Variants in VTI1A observed in about 807,000 individuals in gnomAD.
VTI1A encodes vesicle transport through interaction with t-SNAREs homolog 1A.
VTI1A carries 22 observed loss-of-function variants against 34.9 expected under a neutral mutation model. That is an observed-to-expected ratio of 0.63 (90% CI 0.45 to 0.90). The LOEUF is 0.90. VTI1A is among the 40% of genes least tolerant of loss of function. VTI1A has a pLI of 0.00. For missense variants in VTI1A, 268 were observed against 275.6 expected (o/e 0.97, Z 0.20); for synonymous variants, 87 against 97.3 (o/e 0.89, Z 0.62).
chr10:112,589,729 G>T (rs1317443955), intron 5 of VTI1A, among the ~76,000 whole-genome samples: 1 of 152,086 alleles, frequency 6.6e-6, no homozygotes, highest in East Asian at 1.9e-4. Context: ...ATAGTGAAGA[G>T]ACCACAGAGA....
In VTI1A at chr10:112,761,383, G is replaced by A. The variant is rs147694934; in HGVS notation, c.561-53907G>A. Among the ~76,000 whole-genome samples, 8 of 152,234 alleles carry A rather than the reference G, an allele frequency of 5.3e-5. 1 individual carries two copies. In the South Asian group the frequency reaches 1.5e-3, roughly 28 times the overall value. ...TAGGATTACCCCTCAAGACTATATC[G>A]TCAGGCTTTTGTACAAACAAGGAGC... On this transcript the variant is annotated intron_variant, in intron 7 of 7. Coordinates refer to ENST00000393077, the MANE Select transcript of VTI1A (RefSeq NM_145206.4).
chr10:112,802,040 G>A (rs1282307570), intron 7 of VTI1A, among the ~76,000 whole-genome samples: 1 of 152,122 alleles, frequency 6.6e-6, no homozygotes. Context: ...TGGAGCCCGG[G>A]AATTTGAGAC....
chr10:112,807,977 G>A (rs1458527890), intron 7 of VTI1A, among the ~76,000 whole-genome samples: 1 of 152,230 alleles, frequency 6.6e-6, no homozygotes, highest in Non-Finnish European at 1.5e-5. Flanking sequence ...CAGCACTTTG[G>A]GAGGCCGAGG....
intron 7 of VTI1A, among the ~76,000 whole-genome samples, chr10:112,774,115 G>A (rs774573608): frequency 3.3e-5 from 5 of 152,200 alleles, no homozygotes; most frequent in South Asian, 2.1e-4. Flanking sequence ...CACTGAGGCC[G>A]TGGAAACTGG....
chr10:112,670,477 A>G (rs1268990442), intron 7 of VTI1A, among the ~76,000 whole-genome samples: 1 of 152,178 alleles, frequency 6.6e-6, no homozygotes, highest in Non-Finnish European at 1.5e-5. Context: ...GGCAGATTCA[A>G]ATAAGGATTT....
chr10:112,522,415 C>T (rs1187766641), intron 3 of VTI1A, among the ~76,000 whole-genome samples: 1 of 152,052 alleles, frequency 6.6e-6, no homozygotes, highest in African/African-American at 2.4e-5. Flanking sequence ...CCATACTGCA[C>T]TCTGTATCAA....
chr10:112,459,440 G>A (rs564776395), intron 1 of VTI1A, among the ~76,000 whole-genome samples: 1 of 152,240 alleles, frequency 6.6e-6, no homozygotes, highest in African/African-American at 2.4e-5. Context: ...CTATCCCACC[G>A]CCCAACTCCC....
intron 3 of VTI1A, among the ~76,000 whole-genome samples, chr10:112,484,167 G>A (rs1848542561): frequency 6.6e-6 from 1 of 152,246 alleles, no homozygotes; most frequent in South Asian, 2.1e-4. Flanking sequence ...GACTTTGGGT[G>A]TCAGCTCTAA....
chr10:112,850,205 G>A, the VTI1A span, among the ~76,000 whole-genome samples: 3 of 152,016 alleles, frequency 2.0e-5, no homozygotes, highest in Non-Finnish European at 2.9e-5. Context: ...ATTAGAGCAC[G>A]GCCTATTATT....
At chr10:112,576,023 T>TCTTTTC (rs200081164) in intron 5 of VTI1A, among the ~76,000 whole-genome samples, 42 of 139,106 alleles carry the variant, frequency 3.0e-4, no homozygotes, top group African/African-American at 1.2e-3. Flanking sequence ...TCTTTTCTTT[T>TCTTTTC]TTTTTTTTTT....
intron 7 of VTI1A, among the ~76,000 whole-genome samples, chr10:112,696,436 G>T (rs1474458530): frequency 1.3e-5 from 2 of 152,120 alleles, no homozygotes; most frequent in Non-Finnish European, 2.9e-5. Context: ...AATTGTTTCA[G>T]ATTTCAGGAT....
intron 5 of VTI1A, among the ~76,000 whole-genome samples, chr10:112,585,663 CTTTTTTTTT>C (rs61436886): frequency 3.4e-5 from 4 of 117,300 alleles, no homozygotes; most frequent in African/African-American, 6.5e-5. Context: ...TTGTGGATTT[CTTTTTTTTT>C]TTTTTTTTTT....
At chr10:112,687,377 G>A (rs1334976000) in intron 7 of VTI1A, among the ~76,000 whole-genome samples, 2 of 151,114 alleles carry the variant, frequency 1.3e-5, no homozygotes, top group Non-Finnish European at 2.9e-5. Flanking sequence ...GGGACTATAG[G>A]CTCCCACCAC....
chr10:112,619,244 G>C (rs1024898070), intron 5 of VTI1A, among the ~76,000 whole-genome samples: 2 of 152,124 alleles, frequency 1.3e-5, no homozygotes, highest in African/African-American at 4.8e-5. Flanking sequence ...ACAGTTATTT[G>C]GGAGAAACAG....
At chr10:112,809,378 G>A (rs1214594832) in intron 7 of VTI1A, among the ~76,000 whole-genome samples, 1 of 152,208 alleles carries the variant, frequency 6.6e-6, no homozygotes, top group Non-Finnish European at 1.5e-5. Context: ...AGTGCCTAGA[G>A]AGAAGCAGAT....
intron 7 of VTI1A, among the ~76,000 whole-genome samples, chr10:112,744,459 C>CTTTT (rs11400561): frequency 0.035 from 4,447 of 126,012 alleles, 415 homozygotes; most frequent in African/African-American, 0.13. Context: ...CTTCTTCTTC[C>CTTTT]TTTTTTTTTT....
At chr10:112,852,307 C>G in the VTI1A span, among the ~76,000 whole-genome samples, 1 of 152,206 alleles carries the variant, frequency 6.6e-6, no homozygotes, top group Non-Finnish European at 1.5e-5. Context: ...CTCCCCTTCC[C>G]CCACAAAACT....
chr10:112,784,365 G>T (rs952245196), intron 7 of VTI1A, among the ~76,000 whole-genome samples: 1 of 152,208 alleles, frequency 6.6e-6, no homozygotes, highest in Non-Finnish European at 1.5e-5. Flanking sequence ...GAGGGGAAAA[G>T]AAATTGCCTA....
chr10:112,455,039 T>C (rs1412810329), intron 1 of VTI1A, among the ~76,000 whole-genome samples: 1 of 151,950 alleles, frequency 6.6e-6, no homozygotes, highest in East Asian at 1.9e-4. Context: ...TGAAAGGGGA[T>C]GTCATTTGGG....
Sources: allele counts gnomAD v4.1 joint callset (sites outside exome capture counted in the v4.1 genomes callset), GRCh38; gene constraint gnomAD v4.1.1; transcripts MANE v1.5; gene names NCBI Gene and HGNC (gene_info 2026-07-23, HGNC 2026-07-21).